The following MGST1 variants were observed in gnomAD, a reference collection of about 807,000 sequenced individuals.
The protein encoded by MGST1 is glutathione S-transferase 12.
In MGST1, 5 loss-of-function variants were observed where a neutral mutation model predicts 8.9. The ratio of observed to expected loss-of-function variants is 0.56; its 90% CI spans 0.29 to 1.19. The LOEUF (loss-of-function observed/expected upper bound fraction) is 1.19. MGST1 is among the 50% of genes most tolerant of loss of function. The pLI is 0.08. For synonymous variants in MGST1, 54 were observed against 67.8 expected (o/e 0.80, Z 1.00); for missense variants, 182 against 187.4 (o/e 0.97, Z 0.17).
In MGST1 at chr12:16,363,766, G is replaced by T. The variant is rs1455638955; in HGVS notation, c.222-29G>T. The T allele has an allele frequency of 6.6e-7, 1 of 1,514,014 alleles. No homozygotes were observed. The highest frequency in any genetic ancestry group is 8.9e-7 in the Non-Finnish European group (1 of 1,118,488). The allele number at this position is 1,514,014 out of a possible 1,614,324, so 93.8% of individuals were successfully genotyped here. A position where few individuals can be genotyped will look rare whatever the true frequency, so the allele number is the denominator to read the frequency against. On this transcript the variant is annotated intron_variant, in intron 3 of 3. Coordinates refer to ENST00000396210, the MANE Select transcript of MGST1 (RefSeq NM_020300.5). The surrounding 1 kb of genome is among the most constrained non-coding windows in gnomAD (Gnocchi z 4.6). ...ATACATATCTAGTATTTTGAAATTA[G>T]TGTCTTTAATAGTTATCTTTTTCCA...
At chr12:16,531,946 T>G (rs1164424604) in intron 4 of MGST1, among the ~76,000 whole-genome samples, 1 of 152,130 alleles carries the variant, frequency 6.6e-6, no homozygotes, top group Non-Finnish European at 1.5e-5. Flanking sequence ...TCATTTGTCT[T>G]CTTAAAATGT....
At chr12:16,431,503 T>G (rs983308740) in intron 1 of MGST1, among the ~76,000 whole-genome samples, 5 of 152,096 alleles carry the variant, frequency 3.3e-5, no homozygotes, top group Non-Finnish European at 7.4e-5. Flanking sequence ...AGTTCATTTA[T>G]TCAATATTTC....
chr12:16,560,351 A>G lies in MGST1; in HGVS notation n.483-29177A>G. The G allele has an allele frequency of 6.6e-7, 1 of 1,526,388 alleles. No individual in the cohort carries two copies. The highest frequency in any genetic ancestry group is 1.8e-4 in the Middle Eastern group (1 of 5,710). 94.6% of individuals were successfully genotyped at this position (1,526,388 alleles called of 1,614,324 possible). ...TGTATGAATATAATTTCCACCTATT[A>G]AATAAATAGCCAGCACAGAGAGGTT... On this transcript the variant is annotated intron_variant and non_coding_transcript_variant, in intron 4 of 4. Transcript: ENST00000538857. The surrounding 1 kb of genome is among the most constrained non-coding windows in gnomAD (Gnocchi z 5.0).
At chr12:16,416,124 G>A (rs1431158823) in intron 1 of MGST1, among the ~76,000 whole-genome samples, 1 of 152,108 alleles carries the variant, frequency 6.6e-6, no homozygotes, top group Non-Finnish European at 1.5e-5. Flanking sequence ...TTCAATGTGA[G>A]AATAAGATAT....
chr12:16,427,434 G>C (rs1474117249), intron 1 of MGST1, among the ~76,000 whole-genome samples: 2 of 152,200 alleles, frequency 1.3e-5, no homozygotes, highest in Admixed American at 6.5e-5. Flanking sequence ...CCAGGCTGAA[G>C]TACAGTGGCA....
At chr12:16,473,142 T>C (rs1057266407) in intron 4 of MGST1, among the ~76,000 whole-genome samples, 1 of 152,360 alleles carries the variant, frequency 6.6e-6, no homozygotes, top group Middle Eastern at 3.4e-3. Context: ...CAGGTTAAGA[T>C]ATCCCTCTAT....
At position 16,546,792 on chromosome 12, in the gene MGST1, A is replaced by T. The variant is rs1055555517; in HGVS notation, n.483-42736A>T. Among the ~76,000 whole-genome samples the T allele has an allele frequency of 6.6e-6, 1 of 152,070 alleles. No homozygotes were observed. Among genetic ancestry groups the T allele is most frequent in the Non-Finnish European group, 1.5e-5 (1 of 67,954 alleles). ...TTTATGTCAGGTTTGGTATTTTTTT[A>T]AATCCCTTCCCCTACTGCTGTCATT... On this transcript the variant is annotated intron_variant and non_coding_transcript_variant, in intron 4 of 4. Coordinates refer to the MGST1 transcript ENST00000538857. This position sits in a 1 kb window ranked among gnomAD's most constrained non-coding sequence, Gnocchi z 4.7.
chr12:16,451,075 A>G (rs1255718197), intron 4 of MGST1, among the ~76,000 whole-genome samples: 2 of 151,998 alleles, frequency 1.3e-5, no homozygotes, highest in Admixed American at 1.3e-4. Flanking sequence ...AATGCTCTGT[A>G]ATTTGTAAGC....
At chr12:16,552,535 G>C (rs1263661430) in intron 4 of MGST1, among the ~76,000 whole-genome samples, 2 of 151,884 alleles carry the variant, frequency 1.3e-5, no homozygotes, top group Admixed American at 1.3e-4. Flanking sequence ...TTTCCAACTG[G>C]GTAGCTTTGG....
At chr12:16,359,115 A>G (rs1939871683) in intron 3 of MGST1, among the ~76,000 whole-genome samples, 1 of 152,168 alleles carries the variant, frequency 6.6e-6, no homozygotes, top group Admixed American at 6.5e-5. Context: ...AGTAAGTGGA[A>G]GTGCAGAGGC....
chr12:16,481,349 G>A (rs748738581), intron 4 of MGST1, among the ~76,000 whole-genome samples: 7 of 152,096 alleles, frequency 4.6e-5, no homozygotes, highest in Non-Finnish European at 1.0e-4. Flanking sequence ...CAGATTTAGA[G>A]GAGCAATGCA....
intron 1 of MGST1, among the ~76,000 whole-genome samples, chr12:16,420,297 A>G (rs1940823830): frequency 1.3e-5 from 2 of 152,218 alleles, no homozygotes; most frequent in Admixed American, 1.3e-4. Context: ...TGATTGAAGA[A>G]GCCAATTACA....
rs142558400 is a variant in MGST1 at position 16,555,424 on chromosome 12, T to G, written n.483-34104T>G. On this transcript the variant is annotated intron_variant and non_coding_transcript_variant, in intron 4 of 4. Transcript: ENST00000538857. This position sits in a 1 kb window ranked among gnomAD's most constrained non-coding sequence, Gnocchi z 5.5. ...GGTTTGCCATTATAGTCAGCAGTTC[T>G]GCGGTAAATGACCACGAGTTATATT... is the stretch of plus-strand genomic sequence containing the variant. Among the ~76,000 whole-genome samples, 1,035 of 152,324 alleles carry G rather than the reference T, an allele frequency of 6.8e-3. 17 individuals are homozygous for G. Among genetic ancestry groups the G allele is most frequent in the African/African-American group, 0.024 (986 of 41,580 alleles).
chr12:16,481,257 A>G (rs1303384435), intron 4 of MGST1, among the ~76,000 whole-genome samples: 1 of 152,216 alleles, frequency 6.6e-6, no homozygotes, highest in Admixed American at 6.5e-5. Flanking sequence ...AAGATATGCA[A>G]TTAAGGCAGA....
At chr12:16,394,697 A>C (rs1940589870) in intron 1 of MGST1, among the ~76,000 whole-genome samples, 1 of 151,920 alleles carries the variant, frequency 6.6e-6, no homozygotes, top group Non-Finnish European at 1.5e-5. Context: ...TCCTGGGTTC[A>C]AGCAATTCTT....
In MGST1 at chr12:16,544,213, G is replaced by A. The variant is rs1219090274; in HGVS notation, n.483-45315G>A. ...CAAACTTTTTAAATTGACACCTTAA[G>A]TAAGAACTACACACACACACACACA... is the stretch of plus-strand genomic sequence containing the variant. On this transcript the variant is annotated intron_variant and non_coding_transcript_variant, in intron 4 of 4. Transcript: ENST00000538857. The surrounding 1 kb of genome is among the most constrained non-coding windows in gnomAD (Gnocchi z 4.8). 7.6e-6 allele frequency among the ~76,000 whole-genome samples: 1 copy of A among 130,924 alleles called. No homozygotes were observed. The highest frequency in any genetic ancestry group is 1.6e-5 in the Non-Finnish European group (1 of 64,276). 85.9% of individuals were successfully genotyped at this position (130,924 alleles called of 152,430 possible). A position where few individuals can be genotyped will look rare whatever the true frequency, so the allele number is the denominator to read the frequency against.
At chr12:16,473,961 CTT>C (rs1011900112) in intron 4 of MGST1, among the ~76,000 whole-genome samples, 6 of 152,174 alleles carry the variant, frequency 3.9e-5, no homozygotes, top group Non-Finnish European at 5.9e-5. Context: ...AAGTAGCACT[CTT>C]TGTCATCTTA....
downstream of MGST1, among the ~76,000 whole-genome samples, chr12:16,365,506 A>G (rs941365930): frequency 1.3e-5 from 2 of 152,212 alleles, no homozygotes; most frequent in Non-Finnish European, 2.9e-5. Flanking sequence ...TAGGTTTCAT[A>G]GTTTGAGCAA....
intron 1 of MGST1, among the ~76,000 whole-genome samples, chr12:16,416,202 A>G (rs1458746660): frequency 6.6e-6 from 1 of 152,234 alleles, no homozygotes; most frequent in African/African-American, 2.4e-5. Flanking sequence ...AAGTCAATTT[A>G]TACCTCTACT....
Sources: gnomAD v4.1 joint callset for allele counts (sites outside exome capture counted in the v4.1 genomes callset) on GRCh38, gnomAD v4.1.1 for gene constraint, Gnocchi (gnomAD v3.1) non-coding constraint, MANE v1.5 for transcripts, NCBI Gene and HGNC (gene_info 2026-07-23, HGNC 2026-07-21) for gene names.